ST3GAL4: variants seen among roughly 807,000 people sequenced by gnomAD.
ST3GAL4 encodes ST3 beta-galactoside alpha-2,3-sialyltransferase 4.
In ST3GAL4, 24 loss-of-function variants were observed where a neutral mutation model predicts 42.6. The observed-to-expected ratio is 0.56, with a 90% CI of 0.41 to 0.79. The LOEUF (loss-of-function observed/expected upper bound fraction) is 0.79, where lower values mean the gene tolerates loss of function less well. Among genes scored for constraint, ST3GAL4 ranks in the 30% least tolerant of loss-of-function variants. The probability of loss-of-function intolerance (pLI) is 0.00; values close to 1 mark genes in which losing one functional copy is unlikely to be tolerated. For missense variants in ST3GAL4, 311 were observed against 430.8 expected (o/e 0.72, Z 2.46); for synonymous variants, 135 against 163.2 (o/e 0.83, Z 1.32).
At position 126,363,781 on chromosome 11, in the gene ST3GAL4, G is replaced by T. The variant is rs777754494; in HGVS notation, c.-61+7939G>T. Among the ~76,000 whole-genome samples, 3 of 152,298 alleles carry T rather than the reference G, an allele frequency of 2.0e-5. No individual in the cohort carries two copies. The East Asian group carries it at 5.8e-4, about 29-fold the overall frequency. ...TCCCAGGGGAAGCTGCTCGAATGAG[G>T]GGAGTTGGCCAACACAGTTTTCTAC... On this transcript the variant is annotated intron_variant, in intron 1 of 10. Transcript: ENST00000444328. The surrounding 1 kb of genome is among the most constrained non-coding windows in gnomAD (Gnocchi z 4.6).
At chr11:126,412,452 A>C (rs1351019611) in intron 9 of ST3GAL4, among the ~76,000 whole-genome samples, 1 of 152,196 alleles carries the variant, frequency 6.6e-6, no homozygotes, top group African/African-American at 2.4e-5. Context: ...AGAAGTGAGA[A>C]TATCAGGCTG....
chr11:126,408,359 A>G lies in ST3GAL4; in HGVS notation c.490A>G (p.Thr164Ala), dbSNP rs770822451. 1 of 1,614,194 alleles carries G rather than the reference A, an allele frequency of 6.2e-7. No homozygotes were observed. Among genetic ancestry groups the G allele is most frequent in the South Asian group, 1.1e-5 (1 of 91,082 alleles). Reference sequence around the variant, plus strand: ...TGAGGGTGACGTGGGCTCCAAGACCACCATGCGTCTCTTCTACCCTGAATC... The same window carrying G: ...TGAGGGTGACGTGGGCTCCAAGACCGCCATGCGTCTCTTCTACCCTGAATC... ...GYEGDVGSKT[T>A]MRLFYPESAH... Residue 164 changes from threonine to alanine, a missense_variant, in exon 8 of 11, where the codon ACC (threonine) becomes GCC (alanine). Coordinates refer to ENST00000444328, the MANE Select transcript of ST3GAL4 (RefSeq NM_001254757.2).
At chr11:126,402,647 CT>C (rs1954057657) in intron 1 of ST3GAL4, among the ~76,000 whole-genome samples, 1 of 152,152 alleles carries the variant, frequency 6.6e-6, no homozygotes, top group Admixed American at 6.5e-5. Context: ...TACTGTGCCC[CT>C]GGGGGCATAT....
In ST3GAL4 at chr11:126,379,616, T is replaced by C. The variant is rs1358086830; in HGVS notation, c.-61+23774T>C. On this transcript the variant is annotated intron_variant, in intron 1 of 10. Transcript: ENST00000444328. This position sits in a 1 kb window ranked among gnomAD's most constrained non-coding sequence, Gnocchi z 4.2. ...CCTCATCCTCCTGAGTAACTGAGATTACAGGAATCTGCCACCACACCTGGC... is the reference window on the plus strand; with the variant it reads ...CCTCATCCTCCTGAGTAACTGAGATCACAGGAATCTGCCACCACACCTGGC... Among the ~76,000 whole-genome samples the C allele has an allele frequency of 2.0e-5, 3 of 152,140 alleles. No individual in the cohort carries two copies. Among genetic ancestry groups the C allele is most frequent in the Non-Finnish European group, 4.4e-5 (3 of 68,032 alleles).
rs1591487309 is a variant in ST3GAL4 at position 126,406,008 on chromosome 11, A to G, written c.-60-88A>G. ...AGCTTCCTGCTTTCTGGTGGAAGGG[A>G]GGGGCAGACAGTGGGTGTGTCCTGC... On this transcript the variant is annotated intron_variant, in intron 1 of 10. Coordinates refer to ENST00000444328, the MANE Select transcript of ST3GAL4 (RefSeq NM_001254757.2). This position sits in a 1 kb window ranked among gnomAD's most constrained non-coding sequence, Gnocchi z 5.4. 6.9e-7 allele frequency: 1 copy of G among 1,451,868 alleles called. No individual in the cohort carries two copies. The highest frequency in any genetic ancestry group is 9.4e-7 in the Non-Finnish European group (1 of 1,062,482). The allele number at this position is 1,451,868 out of a possible 1,614,324, so 89.9% of individuals were successfully genotyped here.
rs564337331 is a variant in ST3GAL4, at chr11:126,409,663, A to T, written c.771+252A>T. Among the ~76,000 whole-genome samples, 11 of 152,146 alleles carry T rather than the reference A, an allele frequency of 7.2e-5. No individual in the cohort carries two copies. The East Asian group carries it at 2.1e-3, about 29-fold the overall frequency. ...CAGGTTTAGGGGCTGGTGTGAGAGG[A>T]TGGTTTTGGCAGGCGCTGGTCAGAA... is the stretch of plus-strand genomic sequence containing the variant. On this transcript the variant is annotated intron_variant, in intron 9 of 10. Transcript: ENST00000444328. The surrounding 1 kb of genome is among the most constrained non-coding windows in gnomAD (Gnocchi z 4.9).
intron 9 of ST3GAL4, chr11:126,413,279 G>T (rs748698936): frequency 4.3e-5 from 20 of 468,354 alleles, no homozygotes; most frequent in Non-Finnish European, 6.7e-5. Flanking sequence ...AGCACATGTG[G>T]CGATTTAAAT....
Position 126,376,028 on chromosome 11 carries a change from T to G in ST3GAL4, c.-61+20186T>G, listed in dbSNP as rs1952824010. 6.6e-6 allele frequency among the ~76,000 whole-genome samples: 1 copy of G among 152,200 alleles called. No homozygotes were observed. Among genetic ancestry groups the G allele is most frequent in the African/African-American group, 2.4e-5 (1 of 41,450 alleles). On this transcript the variant is annotated intron_variant, in intron 1 of 10. Coordinates refer to ENST00000444328, the MANE Select transcript of ST3GAL4 (RefSeq NM_001254757.2). The surrounding 1 kb of genome is among the most constrained non-coding windows in gnomAD (Gnocchi z 5.1). ...AAATGTGTATAAAACATCTGCCACA[T>G]TCTTGGCAGTTTAATAGAATCTAGA...
rs1246601059 is a variant in ST3GAL4, at chr11:126,359,701, G to A, written c.-61+3859G>A. 6.6e-6 allele frequency among the ~76,000 whole-genome samples: 1 copy of A among 150,750 alleles called. No individual in the cohort carries two copies. The highest frequency in any genetic ancestry group is 1.5e-5 in the Non-Finnish European group (1 of 68,032). On this transcript the variant is annotated intron_variant, in intron 1 of 10. Transcript: ENST00000444328. This position sits in a 1 kb window ranked among gnomAD's most constrained non-coding sequence, Gnocchi z 4.8. ...CGCTTGTCCGCTTTCTCAGCTGGGCGGGGCGGGGCAGGACAAGGTTCTTCT... is the reference window on the plus strand; with the variant it reads ...CGCTTGTCCGCTTTCTCAGCTGGGCAGGGCGGGGCAGGACAAGGTTCTTCT...
rs534311671 is a variant in ST3GAL4 at position 126,399,266 on chromosome 11, C to A, written c.-60-6830C>A. ...TCCTTCCAGTCTCTAAGTTCTGTTTCGCTTTTCATTATAAATTTCTTTCTT... is the reference window on the plus strand; with the variant it reads ...TCCTTCCAGTCTCTAAGTTCTGTTTAGCTTTTCATTATAAATTTCTTTCTT... On this transcript the variant is annotated intron_variant, in intron 1 of 10. Transcript: ENST00000444328. Among the ~76,000 whole-genome samples, 4 of 145,792 alleles carry A rather than the reference C, an allele frequency of 2.7e-5. No homozygotes were observed. The East Asian group carries it at 8.3e-4, about 30-fold the overall frequency.
Position 126,408,089 on chromosome 11 carries a change from T to C in ST3GAL4, c.342-10T>C. ...TGGGGTGACATAGACCACTCCTCTT[T>C]CTATGGCAGCCTCAGGTGCCGCCGC... On this transcript the variant is annotated splice_polypyrimidine_tract_variant and intron_variant, in intron 6 of 10. Transcript: ENST00000444328. 6.2e-7 allele frequency: 1 copy of C among 1,613,164 alleles called. No individual in the cohort carries two copies. The highest frequency in any genetic ancestry group is 8.5e-7 in the Non-Finnish European group (1 of 1,179,766).
At position 126,410,638 on chromosome 11, in the gene ST3GAL4, G is replaced by A. The variant is rs1954484894; in HGVS notation, c.771+1227G>A. On this transcript the variant is annotated intron_variant, in intron 9 of 10. Transcript: ENST00000444328. This position sits in a 1 kb window ranked among gnomAD's most constrained non-coding sequence, Gnocchi z 5.3. The stretch of plus-strand genomic sequence containing the variant: ...TGAATAAATGATTTTATTGTTTACT[G>A]AACATTTCCTGTTATTCCATGTTCT... Among the ~76,000 whole-genome samples the A allele has an allele frequency of 6.6e-6, 1 of 152,190 alleles. No homozygotes were observed. Among genetic ancestry groups the A allele is most frequent in the South Asian group, 2.1e-4 (1 of 4,824 alleles).
At position 126,404,042 on chromosome 11, in the gene ST3GAL4, C is replaced by G. The variant is rs549897149; in HGVS notation, c.-60-2054C>G. On this transcript the variant is annotated intron_variant, in intron 1 of 10. Coordinates refer to ENST00000444328, the MANE Select transcript of ST3GAL4 (RefSeq NM_001254757.2). ...ATTTCTAGGTGTTGGGACCCAAATA[C>G]TCATTTAAAAAATTTTTTTTGTTTA... 3.3e-5 allele frequency among the ~76,000 whole-genome samples: 5 copies of G among 152,292 alleles called. No individual in the cohort carries two copies. In the East Asian group the frequency reaches 9.6e-4, roughly 29 times the overall value.
chr11:126,366,397 T>TGTGCGC lies in ST3GAL4; in HGVS notation c.-61+10556_-61+10561dup, dbSNP rs1555081226. 3.9e-5 allele frequency among the ~76,000 whole-genome samples: 6 copies of TGTGCGC among 152,052 alleles called. No homozygotes were observed. The highest frequency in any genetic ancestry group is 1.4e-4 in the African/African-American group (6 of 41,388). On this transcript the variant is annotated intron_variant, in intron 1 of 10. Transcript: ENST00000444328. The surrounding 1 kb of genome is among the most constrained non-coding windows in gnomAD (Gnocchi z 4.2). Reference sequence around the variant, plus strand: ...AGGAGGACTGAGAGCTGGGTGTGTGTGTGCGCATGCCTGTGTCTGTGTGAT... The same window carrying TGTGCGC: ...AGGAGGACTGAGAGCTGGGTGTGTGTGTGCGCGTGCGCATGCCTGTGTCTGTGTGAT...
Position 126,406,842 on chromosome 11 carries a change from A to T in ST3GAL4, c.102-101A>T, listed in dbSNP as rs1954255347. On this transcript the variant is annotated intron_variant, in intron 3 of 10. Transcript: ENST00000444328. The surrounding 1 kb of genome is among the most constrained non-coding windows in gnomAD (Gnocchi z 5.4). ...TAACTTGAGATGATTCCTCCCCGGC[A>T]CCTTGGGACCTTCATGCCGTGGGAG... 2 of 1,131,162 alleles carry T rather than the reference A, an allele frequency of 1.8e-6. No individual in the cohort carries two copies. The allele number at this position is 1,131,162 out of a possible 1,614,324, so 70.1% of individuals were successfully genotyped here.
At chr11:126,402,094 A>AGGGGGGGG (rs1555090127) in intron 1 of ST3GAL4, among the ~76,000 whole-genome samples, 12 of 140,718 alleles carry the variant, frequency 8.5e-5, no homozygotes, top group African/African-American at 1.3e-4. Flanking sequence ...TGGGGGAAAG[A>AGGGGGGGG]GGGGAGGTAG....
chr11:126,384,695 C>G lies in ST3GAL4; in HGVS notation c.-60-21401C>G. On this transcript the variant is annotated intron_variant, in intron 1 of 10. Coordinates refer to ENST00000444328, the MANE Select transcript of ST3GAL4 (RefSeq NM_001254757.2). The surrounding 1 kb of genome is among the most constrained non-coding windows in gnomAD (Gnocchi z 5.5). ...CCACCTCCCTAGGGGCCTCCTCCCC[C>G]TCCCCTTCTGCATGCCACCACACCC... 2.0e-6 allele frequency: 2 copies of G among 985,396 alleles called. No individual in the cohort carries two copies. Among genetic ancestry groups the G allele is most frequent in the South Asian group, 9.4e-5 (2 of 21,288 alleles). 61.0% of individuals were successfully genotyped at this position (985,396 alleles called of 1,614,324 possible).
intron 1 of ST3GAL4, among the ~76,000 whole-genome samples, chr11:126,368,485 A>T (rs898581025): frequency 6.6e-6 from 1 of 152,226 alleles, no homozygotes; most frequent in African/African-American, 2.4e-5. Flanking sequence ...GCGCTGGGAC[A>T]GGGGTATTAT....
At chr11:126,372,437 A>G (rs1050640603) in intron 1 of ST3GAL4, among the ~76,000 whole-genome samples, 28 of 145,910 alleles carry the variant, frequency 1.9e-4, no homozygotes, top group African/African-American at 6.6e-4. Flanking sequence ...TTTTTCTGAG[A>G]CAGAGTTTCG....
Sources: allele counts gnomAD v4.1 joint callset (sites outside exome capture counted in the v4.1 genomes callset), GRCh38; gene constraint gnomAD v4.1.1; non-coding constraint Gnocchi (gnomAD v3.1); transcripts MANE v1.5; gene names NCBI Gene and HGNC (gene_info 2026-07-23, HGNC 2026-07-21).